Variants in DPP10 observed in about 807,000 individuals in gnomAD.
DPP10 encodes dipeptidyl peptidase like 10, also known as inactive dipeptidyl peptidase 10.
Under a neutral mutation model 120.9 loss-of-function variants are expected in DPP10, and 33 were observed. The observed-to-expected ratio is 0.27, with a 90% CI of 0.21 to 0.37. The LOEUF (loss-of-function observed/expected upper bound fraction) is 0.37, where lower values mean the gene tolerates loss of function less well. Ranked by LOEUF, DPP10 falls within the 10% of genes least tolerant of loss-of-function variation. The pLI is 1.00. For missense variants in DPP10, 816 were observed against 942.8 expected (o/e 0.87, Z 1.76); for synonymous variants, 337 against 326.1 (o/e 1.03, Z -0.36).
intron 1 of DPP10, among the ~76,000 whole-genome samples, chr2:114,644,629 G>A (rs1695981646): frequency 6.6e-6 from 1 of 151,856 alleles, no homozygotes; most frequent in Admixed American, 6.6e-5. Flanking sequence ...ATGTTACTGT[G>A]AAGCCAGGTT....
intron 3 of DPP10, among the ~76,000 whole-genome samples, chr2:115,439,614 A>G (rs1437823430): frequency 6.6e-6 from 1 of 152,204 alleles, no homozygotes; most frequent in Non-Finnish European, 1.5e-5. Context: ...GAGAAGATGG[A>G]TAGTAGGTTA....
chr2:114,601,298 AC>A (rs1692347241), intron 1 of DPP10, among the ~76,000 whole-genome samples: 1 of 151,874 alleles, frequency 6.6e-6, no homozygotes, highest in African/African-American at 2.4e-5. Flanking sequence ...CTAATGAACA[AC>A]CTTTGCTTTC....
intron 11 of DPP10, among the ~76,000 whole-genome samples, chr2:115,756,813 C>G (rs77368760): frequency 0.016 from 2,457 of 151,998 alleles, 66 homozygotes; most frequent in African/African-American, 0.054. Context: ...AATTCAAGAT[C>G]GAGAGGTTGG....
intron 1 of DPP10, among the ~76,000 whole-genome samples, chr2:115,244,163 G>C (rs2105596481): frequency 6.8e-6 from 1 of 147,068 alleles, no homozygotes; most frequent in Non-Finnish European, 1.5e-5. Flanking sequence ...ATTAGTTCCA[G>C]AACTGAAAAT....
intron 1 of DPP10, among the ~76,000 whole-genome samples, chr2:114,502,017 C>T (rs111817744): frequency 0.048 from 7,182 of 149,870 alleles, 248 homozygotes; most frequent in African/African-American, 0.095. Flanking sequence ...CTCACTGCAA[C>T]CTCTGCCTCC....
chr2:115,528,425 A>C (rs977717385), intron 5 of DPP10, among the ~76,000 whole-genome samples: 1 of 148,764 alleles, frequency 6.7e-6, no homozygotes, highest in African/African-American at 2.6e-5. Context: ...CACATAAATA[A>C]ACCAACATTT....
chr2:115,347,195 G>A (rs968501058), intron 3 of DPP10, among the ~76,000 whole-genome samples: 1 of 152,090 alleles, frequency 6.6e-6, no homozygotes, highest in African/African-American at 2.4e-5. Flanking sequence ...AATAAAGTAC[G>A]GACAGTGTAT....
chr2:115,477,867 G>T (rs2105239071), intron 3 of DPP10, among the ~76,000 whole-genome samples: 1 of 152,254 alleles, frequency 6.6e-6, no homozygotes, highest in Admixed American at 6.5e-5. Context: ...AGGAAAATGG[G>T]ATGTATAGGA....
chr2:114,712,514 T>C (rs1369153284), intron 1 of DPP10, among the ~76,000 whole-genome samples: 1 of 152,138 alleles, frequency 6.6e-6, no homozygotes, highest in Non-Finnish European at 1.5e-5. Context: ...GACTCCAAAG[T>C]GTGTGGTCCT....
chr2:114,653,387 C>A (rs13022574), intron 1 of DPP10, among the ~76,000 whole-genome samples: 10,003 of 152,134 alleles, frequency 0.066, 367 homozygotes, highest in East Asian at 0.13. Flanking sequence ...TTTGTGGAGC[C>A]TGTGGAAACC....
At chr2:115,142,818 C>T (rs1417746359) in intron 1 of DPP10, among the ~76,000 whole-genome samples, 2 of 152,208 alleles carry the variant, frequency 1.3e-5, no homozygotes, top group African/African-American at 4.8e-5. Flanking sequence ...CCCTGGTCTA[C>T]TTCAGCTCCT....
chr2:115,222,168 A>C (rs1479363644), intron 1 of DPP10, among the ~76,000 whole-genome samples: 1 of 152,126 alleles, frequency 6.6e-6, no homozygotes, highest in Non-Finnish European at 1.5e-5. Flanking sequence ...TTTAGAGTAA[A>C]TGAGTAAAGA....
chr2:115,425,494 A>G (rs1300910957), intron 3 of DPP10, among the ~76,000 whole-genome samples: 1 of 152,208 alleles, frequency 6.6e-6, no homozygotes, highest in Non-Finnish European at 1.5e-5. Flanking sequence ...AAAATTGCTC[A>G]TTCTCAGAGG....
chr2:115,523,615 C>T (rs1267469967), intron 4 of DPP10, among the ~76,000 whole-genome samples: 1 of 151,984 alleles, frequency 6.6e-6, no homozygotes, highest in Admixed American at 6.6e-5. Context: ...CATACTGTCC[C>T]CTTGAACATT....
Position 115,121,984 on chromosome 2 carries a change from G to A in DPP10, c.61-187255G>A, listed in dbSNP as rs140045524. Among the ~76,000 whole-genome samples, 32 of 152,280 alleles carry A rather than the reference G, an allele frequency of 2.1e-4. 2 individuals carry two copies. The East Asian group carries it at 3.7e-3, about 17-fold the overall frequency. ...ATTTTCCCAGGTTTGGGTATGCATC[G>A]AAGGGTCATGTCCTGTGGTGTGCAG... On this transcript the variant is annotated intron_variant, in intron 1 of 25. Coordinates refer to ENST00000410059, the MANE Select transcript of DPP10 (RefSeq NM_020868.6).
chr2:114,999,344 C>T (rs1171340532), intron 1 of DPP10, among the ~76,000 whole-genome samples: 1 of 152,124 alleles, frequency 6.6e-6, no homozygotes, highest in Non-Finnish European at 1.5e-5. Flanking sequence ...CCAAGAGTCC[C>T]ACTGAGTTTT....
chr2:115,101,331 T>C (rs1266057474), intron 1 of DPP10, among the ~76,000 whole-genome samples: 1 of 152,150 alleles, frequency 6.6e-6, no homozygotes, highest in African/African-American at 2.4e-5. Context: ...TGATATCTCG[T>C]GGTTGGCTGA....
At chr2:114,923,456 C>G (rs1178644151) in intron 1 of DPP10, among the ~76,000 whole-genome samples, 1 of 144,028 alleles carries the variant, frequency 6.9e-6, no homozygotes, top group Non-Finnish European at 1.5e-5. Flanking sequence ...TGAGCCACCA[C>G]GCTTGGCCTT....
At chr2:115,135,956 C>A (rs115152630) in intron 1 of DPP10, among the ~76,000 whole-genome samples, 1 of 152,152 alleles carries the variant, frequency 6.6e-6, no homozygotes, top group African/African-American at 2.4e-5. Context: ...GTCAGGCTTG[C>A]TAATTTGACC....
Sources: allele counts gnomAD v4.1 joint callset (sites outside exome capture counted in the v4.1 genomes callset), GRCh38; gene constraint gnomAD v4.1.1; transcripts MANE v1.5; gene names NCBI Gene and HGNC (gene_info 2026-07-23, HGNC 2026-07-21).